The following BTNL9 variants were observed in gnomAD, a reference collection of about 807,000 sequenced individuals.
The protein encoded by BTNL9 is butyrophilin like 9.
BTNL9 carries 45 observed loss-of-function variants against 45.8 expected under a neutral mutation model. The observed-to-expected ratio is 0.98, with a 90% CI of 0.77 to 1.26. The LOEUF (loss-of-function observed/expected upper bound fraction) is 1.26, where lower values mean the gene tolerates loss of function less well. Ranked by LOEUF, BTNL9 falls within the 50% of genes most tolerant of loss-of-function variation. The probability of loss-of-function intolerance (pLI) is 0.00; values close to 1 mark genes in which losing one functional copy is unlikely to be tolerated. For missense variants in BTNL9, 784 were observed against 729.7 expected, an observed-to-expected ratio of 1.07 and a Z score of -0.86; for synonymous variants, 346 against 330.8, an observed-to-expected ratio of 1.05 and a Z score of -0.50.
In BTNL9 at chr5:181,059,726, A is replaced by C; in HGVS notation, c.1472A>C (p.His491Pro). Reference sequence around the variant, plus strand: ...TGTGCGTACTTCAGGCCCAGGGCCCACGACGGCGGCGAACATCCGGATCCC... The same window carrying C: ...TGTGCGTACTTCAGGCCCAGGGCCCCCGACGGCGGCGAACATCCGGATCCC... ...ALCAYFRPRA[H>P]DGGEHPDPLT... The change falls in exon 11 of 11, where the codon CAC (histidine) becomes CCC (proline). Residue 491 changes from histidine (H) to proline (P), a missense_variant. Physicochemically the swap from His to Pro is moderately conservative, Grantham distance 77 (BLOSUM62 -2). Transcript: ENST00000327705. 2 of 1,613,322 alleles carry C rather than the reference A, an allele frequency of 1.2e-6. No individual in the cohort carries two copies. Among genetic ancestry groups the C allele is most frequent in the Non-Finnish European group, 1.7e-6 (2 of 1,179,946 alleles).
At chr5:181,049,913 A>C (rs1761439630) in intron 3 of BTNL9, among the ~76,000 whole-genome samples, 175 bp from the exon 4 acceptor site, 2 of 152,248 alleles carry the variant, frequency 1.3e-5, no homozygotes. Context: ...GCTACCACTG[A>C]TTTAGACTGT....
chr5:181,054,095 CAGCCT>C, intron 6 of BTNL9, 139 bp from the exon 7 acceptor site: 1 of 1,552,102 alleles, frequency 6.4e-7, no homozygotes, highest in Non-Finnish European at 8.7e-7. Flanking sequence ...ACTTCCAGCC[CAGCCT>C]GGGCCCGCAG....
At chr5:181,059,189 G>A (rs919384270) in intron 10 of BTNL9, 48 bp from the exon 11 acceptor site, 17 of 1,437,670 alleles carry the variant, frequency 1.2e-5, no homozygotes, top group African/African-American at 2.9e-5. Flanking sequence ...AGACACGGAC[G>A]GGGCCCAGAC....
In BTNL9 at chr5:181,059,752, C is replaced by G. The variant is rs1414725260; in HGVS notation, c.1498C>G (p.Leu500Val). The G allele has an allele frequency of 1.2e-6, 2 of 1,612,314 alleles. No individual in the cohort carries two copies. Among genetic ancestry groups the G allele is most frequent in the Admixed American group, 1.7e-5 (1 of 59,990 alleles). ...CGACGGCGGCGAACATCCGGATCCC[C>G]TGACCATCTGCCCGCTGCCGGTTAG... Reference protein sequence around the residue: ...AHDGGEHPDPLTICPLPVRGT... With the variant: ...AHDGGEHPDPVTICPLPVRGT... Residue 500 changes from leucine to valine, a missense_variant, in exon 11 of 11, where the codon CTG becomes GTG. Transcript: ENST00000327705.
chr5:181,050,063 T>G lies in BTNL9; in HGVS notation c.455-25T>G. On this transcript the variant is annotated intron_variant, in intron 3 of 10. Coordinates refer to ENST00000327705, the MANE Select transcript of BTNL9 (RefSeq NM_152547.5). The surrounding 1 kb of genome is among the most constrained non-coding windows in gnomAD (Gnocchi z 4.9). ...TGATTTCTCAGAAGAAGCCTGACCTTTCCCACTCCTCCTGCCTCCACCAGG... is the reference window on the plus strand; with the variant it reads ...TGATTTCTCAGAAGAAGCCTGACCTGTCCCACTCCTCCTGCCTCCACCAGG... 1 of 1,604,546 alleles carries G rather than the reference T, an allele frequency of 6.2e-7. No homozygotes were observed. Among genetic ancestry groups the G allele is most frequent in the South Asian group, 1.1e-5 (1 of 90,226 alleles).
At chr5:181,046,506 G>C (rs2113170616) in intron 2 of BTNL9, among the ~76,000 whole-genome samples, 1 of 152,310 alleles carries the variant, frequency 6.6e-6, no homozygotes, top group East Asian at 1.9e-4. Context: ...AGCCAACAGA[G>C]GGTGCAAACT....
chr5:181,051,971 G>C (rs748088065), intron 4 of BTNL9, among the ~76,000 whole-genome samples: 7 of 152,278 alleles, frequency 4.6e-5, no homozygotes, highest in Non-Finnish European at 2.9e-5. Flanking sequence ...AAAGCCAGGG[G>C]CCTGAGAGGG....
In BTNL9 at chr5:181,051,490, A is replaced by G. The variant is rs548194697; in HGVS notation, c.736+1121A>G. On this transcript the variant is annotated intron_variant, in intron 4 of 10. Coordinates refer to ENST00000327705, the MANE Select transcript of BTNL9 (RefSeq NM_152547.5). ...CAACACCGCTTACCACAGCAGTTCTAAATTCCGTGGGAATTGGGATGGCCA... is the reference window on the plus strand; with the variant it reads ...CAACACCGCTTACCACAGCAGTTCTGAATTCCGTGGGAATTGGGATGGCCA... Among the ~76,000 whole-genome samples, 20 of 152,322 alleles carry G rather than the reference A, an allele frequency of 1.3e-4. No individual in the cohort carries two copies. In the South Asian group the frequency reaches 3.9e-3, roughly 30 times the overall value.
chr5:181,045,699 ACGCT>A, intron 2 of BTNL9, 101 bp downstream of exon 2: 1 of 911,936 alleles, frequency 1.1e-6, no homozygotes, highest in African/African-American at 1.7e-5. Flanking sequence ...GGCGTGCCAG[ACGCT>A]AAAATACAAA....
chr5:181,055,192 CCCTTCTAGGCTGTGTGCAGATTTCCA>C lies in BTNL9; in HGVS notation c.908-236_908-211del. ...GCCTGTCAGTACTAAGATCTGGTAT[CCCTTCTAGGCTGTGTGCAGATTTCCA>C]CCTTTGAGCTAAGATAGGATGAGGC... On this transcript the variant is annotated intron_variant, in intron 7 of 10. Coordinates refer to ENST00000327705, the MANE Select transcript of BTNL9 (RefSeq NM_152547.5). This position sits in a 1 kb window ranked among gnomAD's most constrained non-coding sequence, Gnocchi z 4.4. 7.4e-7 allele frequency: 1 copy of C among 1,358,500 alleles called. No individual in the cohort carries two copies. Among genetic ancestry groups the C allele is most frequent in the Admixed American group, 3.1e-5 (1 of 32,626 alleles). 84.2% of individuals were successfully genotyped at this position (1,358,500 alleles called of 1,614,324 possible). A position where few individuals can be genotyped will look rare whatever the true frequency, so the allele number is the denominator to read the frequency against.
rs1198144840 is a variant in BTNL9, at chr5:181,056,126, A to T, written c.955+111A>T. The T allele has an allele frequency of 4.9e-6, 6 of 1,229,348 alleles. No individual in the cohort carries two copies. In the Admixed American group the frequency reaches 1.0e-4, roughly 21 times the overall value. The allele number at this position is 1,229,348 out of a possible 1,614,324, so 76.2% of individuals were successfully genotyped here. On this transcript the variant is annotated intron_variant, in intron 9 of 10. Coordinates refer to ENST00000327705, the MANE Select transcript of BTNL9 (RefSeq NM_152547.5). ...CATTCTGGTTGCATTCCGTGGCCTC[A>T]CACAGCATGTGTTAATCTATGTCAC...
At chr5:181,046,809 T>C (rs1015033985) in intron 2 of BTNL9, among the ~76,000 whole-genome samples, 1 of 151,942 alleles carries the variant, frequency 6.6e-6, no homozygotes, top group Non-Finnish European at 1.5e-5. Flanking sequence ...AGAGTGGGAA[T>C]ATAGTTGGAG....
At position 181,053,008 on chromosome 5, in the gene BTNL9, C is replaced by A. The variant is rs1159674542; in HGVS notation, c.737-192C>A. On this transcript the variant is annotated intron_variant, in intron 4 of 10. Transcript: ENST00000327705. This position sits in a 1 kb window ranked among gnomAD's most constrained non-coding sequence, Gnocchi z 6.5. ...CCGCACGCCCCGCGGCGCGCCCCCG[C>A]CCCCTCCGCCGCGCGCGCCCCCGCC... 8.3e-5 allele frequency: 12 copies of A among 143,736 alleles called. No homozygotes were observed. The East Asian group carries it at 1.2e-3, about 14-fold the overall frequency. The allele number at this position is 143,736 out of a possible 1,614,324, so 8.9% of individuals were successfully genotyped here.
chr5:181,054,416 G>A, intron 7 of BTNL9, 157 bp downstream of exon 7: 1 of 985,318 alleles, frequency 1.0e-6, no homozygotes, highest in Non-Finnish European at 1.2e-6. Context: ...GGGCTGAAAG[G>A]ATGGCTGCCT....
chr5:181,046,150 C>T (rs1294413323), intron 2 of BTNL9, among the ~76,000 whole-genome samples: 9 of 131,426 alleles, frequency 6.8e-5, no homozygotes, highest in Non-Finnish European at 9.9e-5. Context: ...CCACCATCTC[C>T]CCAGCCTCCA....
At position 181,061,073 on chromosome 5, in the gene BTNL9, C is replaced by T. The variant is rs1276183219; in HGVS notation, c.*1211C>T. On this transcript the variant is annotated 3_prime_UTR_variant, in exon 11 of 11. Transcript: ENST00000327705. ...GGGTGTACAGGCATGAGCCGCTGTG[C>T]CTGGCTTCATTTTCAGAGTGAGACA... The T allele has an allele frequency of 6.6e-6, 1 of 152,234 alleles. No homozygotes were observed. The highest frequency in any genetic ancestry group is 1.5e-5 in the Non-Finnish European group (1 of 68,070). 9.4% of individuals were successfully genotyped at this position (152,234 alleles called of 1,614,324 possible). A position where few individuals can be genotyped will look rare whatever the true frequency, so the allele number is the denominator to read the frequency against.
chr5:181,049,492 A>AG (rs1377403289), intron 3 of BTNL9, among the ~76,000 whole-genome samples: 2 of 152,240 alleles, frequency 1.3e-5, no homozygotes, highest in Non-Finnish European at 2.9e-5. Flanking sequence ...GTAAGAAAGA[A>AG]GGAGAAACAT....
At chr5:181,047,198 G>A (rs915590319) in intron 2 of BTNL9, among the ~76,000 whole-genome samples, 1 of 152,180 alleles carries the variant, frequency 6.6e-6, no homozygotes, top group African/African-American at 2.4e-5. Context: ...CTGTGCAGGA[G>A]CAGCAACTCT....
At position 181,053,153 on chromosome 5, in the gene BTNL9, T is replaced by A; in HGVS notation, c.737-47T>A. ...CGGGCAGGCCGGTCTCGCCTCTCGG[T>A]GCTCAGCGGCGCCTGGACCGACACG... On this transcript the variant is annotated intron_variant, in intron 4 of 10. Coordinates refer to ENST00000327705, the MANE Select transcript of BTNL9 (RefSeq NM_152547.5). The surrounding 1 kb of genome is among the most constrained non-coding windows in gnomAD (Gnocchi z 6.5). The A allele has an allele frequency of 6.7e-7, 1 of 1,485,338 alleles. No homozygotes were observed. 92.0% of individuals were successfully genotyped at this position (1,485,338 alleles called of 1,614,324 possible).
Sources: allele counts gnomAD v4.1 joint callset (sites outside exome capture counted in the v4.1 genomes callset), GRCh38; gene constraint gnomAD v4.1.1; non-coding constraint Gnocchi (gnomAD v3.1); transcripts MANE v1.5; gene names NCBI Gene and HGNC (gene_info 2026-07-23, HGNC 2026-07-21).